Variants in IDO2 observed in about 807,000 individuals in gnomAD.
IDO2 encodes the protein indoleamine 2,3-dioxygenase-like 1 protein.
In IDO2, 46 loss-of-function variants were observed where a neutral mutation model predicts 45.1. The ratio of observed to expected loss-of-function variants is 1.02; its 90% CI spans 0.80 to 1.30. IDO2 has a LOEUF of 1.30. Among genes scored for constraint, IDO2 ranks in the 50% most tolerant of loss-of-function variants. The pLI is 0.00. For synonymous variants in IDO2, 218 were observed against 184.9 expected (o/e 1.18, Z -1.45); for missense variants, 544 against 491.8 (o/e 1.11, Z -1.00).
At chr8:40,015,050 G>A (rs931053890) in intron 10 of IDO2, among the ~76,000 whole-genome samples, 197 bp from the exon 11 acceptor site, 7 of 152,122 alleles carry the variant, frequency 4.6e-5, no homozygotes, top group African/African-American at 1.7e-4. Flanking sequence ...CAGCTACTCA[G>A]AAGACTGAGG....
At chr8:39,955,362 C>T (rs1464049790) in intron 2 of IDO2, among the ~76,000 whole-genome samples, 9 of 146,020 alleles carry the variant, frequency 6.2e-5, no homozygotes, top group Non-Finnish European at 8.9e-5. Flanking sequence ...TCAAGTGATT[C>T]TCCTGCCTCA....
chr8:39,973,765 G>A (rs2129594198), intron 3 of IDO2, among the ~76,000 whole-genome samples: 1 of 144,590 alleles, frequency 6.9e-6, no homozygotes, highest in Non-Finnish European at 1.5e-5. Flanking sequence ...TTTCTGAGAT[G>A]GAGTCTTGCT....
chr8:39,942,728 G>T (rs1807663361), intron 1 of IDO2, among the ~76,000 whole-genome samples: 1 of 152,136 alleles, frequency 6.6e-6, no homozygotes, highest in African/African-American at 2.4e-5. Flanking sequence ...CAGCTTCCAG[G>T]AATACACTTG....
At chr8:39,961,476 A>G (rs1807996470) in intron 2 of IDO2, among the ~76,000 whole-genome samples, 1 of 151,630 alleles carries the variant, frequency 6.6e-6, no homozygotes, top group Non-Finnish European at 1.5e-5. Flanking sequence ...GCATGTGCCA[A>G]CACGCCTGCC....
chr8:39,979,341 ATTAT>A (rs147941273), intron 4 of IDO2, among the ~76,000 whole-genome samples, 155 bp downstream of exon 4: 4,673 of 150,574 alleles, frequency 0.031, 216 homozygotes, highest in African/African-American at 0.11. Context: ...GGGCTCATTT[ATTAT>A]TTATTATTAT....
chr8:40,013,615 C>T (rs1430400909), exon 10 of IDO2: 1 of 1,613,864 alleles, frequency 6.2e-7, no homozygotes, highest in South Asian at 1.1e-5. Context: ...GAAGGAGTTT[C>T]CCAAGAGCCC....
At chr8:40,003,391 A>AT (rs961166006) in intron 8 of IDO2, among the ~76,000 whole-genome samples, 2,471 of 142,874 alleles carry the variant, frequency 0.017, 123 homozygotes, top group African/African-American at 0.061. Flanking sequence ...AAAAAAAAAA[A>AT]GAAAACGAGA....
chr8:40,012,809 C>G, intron 9 of IDO2, among the ~76,000 whole-genome samples: 1 of 152,084 alleles, frequency 6.6e-6, no homozygotes, highest in East Asian at 1.9e-4. Flanking sequence ...AGAGCATGGC[C>G]GGCAGCCCAG....
At chr8:39,971,999 G>A (rs113003306) in intron 3 of IDO2, among the ~76,000 whole-genome samples, 2 of 152,150 alleles carry the variant, frequency 1.3e-5, no homozygotes, top group African/African-American at 4.8e-5. Flanking sequence ...TAGTAGAGAT[G>A]GGGTTTTTCC....
At chr8:39,979,042 A>G in intron 3 of IDO2, 25 bp from the exon 4 acceptor site, 2 of 1,558,920 alleles carry the variant, frequency 1.3e-6, no homozygotes, top group Non-Finnish European at 1.7e-6. Flanking sequence ...CCCTCCTCTG[A>G]CGGCATTTGG....
intron 2 of IDO2, among the ~76,000 whole-genome samples, chr8:39,956,993 A>C (rs568323860): frequency 7.0e-6 from 1 of 141,930 alleles, no homozygotes; most frequent in South Asian, 2.4e-4. Flanking sequence ...CAGTGAACCG[A>C]GCTCACACAA....
chr8:39,987,481 T>A (rs1168805483), intron 6 of IDO2: 1 of 166,498 alleles, frequency 6.0e-6, no homozygotes, highest in Non-Finnish European at 1.3e-5. Context: ...TTTGCTTCTC[T>A]GGGCCATGGT....
chr8:39,969,560 G>A (rs1808148969), intron 3 of IDO2, among the ~76,000 whole-genome samples: 2 of 152,132 alleles, frequency 1.3e-5, no homozygotes, highest in African/African-American at 2.4e-5. Flanking sequence ...GAAAGGAGTT[G>A]CATGTCTCTC....
chr8:39,946,137 C>T (rs541430860), intron 1 of IDO2, among the ~76,000 whole-genome samples: 1 of 152,256 alleles, frequency 6.6e-6, no homozygotes, highest in African/African-American at 2.4e-5. Flanking sequence ...TTTTGCAGAC[C>T]CTGTACTTGA....
At chr8:39,938,523 G>A (rs1334859896) in intron 1 of IDO2, among the ~76,000 whole-genome samples, 2 of 151,846 alleles carry the variant, frequency 1.3e-5, no homozygotes, top group East Asian at 1.9e-4. Context: ...AGGTGACCTT[G>A]GGTTTGGAGA....
chr8:39,952,557 C>T (rs1201515900), intron 2 of IDO2, among the ~76,000 whole-genome samples: 3 of 152,168 alleles, frequency 2.0e-5, no homozygotes, highest in Admixed American at 1.3e-4. Context: ...CAAGCTCCAA[C>T]ATTTATTGTG....
chr8:39,943,295 C>T (rs887800502), intron 1 of IDO2, among the ~76,000 whole-genome samples: 1 of 151,982 alleles, frequency 6.6e-6, no homozygotes, highest in Non-Finnish European at 1.5e-5. Context: ...CACGTGAGCC[C>T]AGGAGGTGGA....
intron 1 of IDO2, among the ~76,000 whole-genome samples, chr8:39,948,271 C>T (rs1317618016): frequency 6.6e-6 from 1 of 152,220 alleles, no homozygotes; most frequent in Non-Finnish European, 1.5e-5. Context: ...TAATCCTAGA[C>T]TATGTTGCTC....
rs1802015001 is a variant in IDO2, at chr8:39,995,175, T to TC, written c.667+5338dup. On this transcript the variant is annotated intron_variant, in intron 8 of 10. Coordinates refer to ENST00000502986, the Ensembl canonical transcript of IDO2. The stretch of plus-strand genomic sequence containing the variant: ...CTTCTTCTCCTCCTCCTCCTCCTCT[T>TC]CTTCCTTCTTCTTCTTCTTCTTCTT... 3 of 131,194 alleles carry TC rather than the reference T, an allele frequency of 2.3e-5. No individual in the cohort carries two copies. The South Asian group carries it at 7.2e-4, about 31-fold the overall frequency. 8.1% of individuals were successfully genotyped at this position (131,194 alleles called of 1,614,324 possible).
Sources: allele counts gnomAD v4.1 joint callset (sites outside exome capture counted in the v4.1 genomes callset), GRCh38; gene constraint gnomAD v4.1.1; transcripts MANE v1.5; gene names NCBI Gene and HGNC (gene_info 2026-07-23, HGNC 2026-07-21).